EPYC: variants seen among roughly 807,000 people sequenced by gnomAD.
EPYC encodes the protein dermatan sulfate proteoglycan 3.
EPYC carries 28 observed loss-of-function variants against 30.1 expected under a neutral mutation model. The ratio of observed to expected loss-of-function variants is 0.93; its 90% CI spans 0.69 to 1.28. EPYC has a LOEUF of 1.28. EPYC is among the 50% of genes most tolerant of loss of function. The probability of loss-of-function intolerance (pLI) is 0.00; values close to 1 mark genes in which losing one functional copy is unlikely to be tolerated. For synonymous variants in EPYC, 144 were observed against 141.4 expected (o/e 1.02, Z -0.13); for missense variants, 382 against 383.5 (o/e 1.00, Z 0.03).
chr12:90,998,376 G>T (rs988372706), intron 2 of EPYC, among the ~76,000 whole-genome samples: 14 of 151,994 alleles, frequency 9.2e-5, no homozygotes, highest in African/African-American at 3.1e-4. Context: ...GCATTGTTGG[G>T]TCTAAAACTT....
chr12:90,964,067 C>G lies in EPYC; in HGVS notation c.*89G>C. ...CATATCATCTCTCAGAACACAATCT[C>G]AAAGTATCATGCTGAGTTTTGTTTT... is the stretch of plus-strand genomic sequence containing the variant. On this transcript the variant is annotated 3_prime_UTR_variant, in exon 7 of 7. Coordinates refer to ENST00000261172, the MANE Select transcript of EPYC (RefSeq NM_004950.5). 1.9e-6 allele frequency: 2 copies of G among 1,048,768 alleles called. No homozygotes were observed. Among genetic ancestry groups the G allele is most frequent in the South Asian group, 3.9e-5 (2 of 51,488 alleles). 65.0% of individuals were successfully genotyped at this position (1,048,768 alleles called of 1,614,324 possible).
intron 3 of EPYC, among the ~76,000 whole-genome samples, chr12:90,975,454 T>C (rs1877158344): frequency 6.6e-6 from 1 of 152,090 alleles, no homozygotes. Context: ...ATTTCTAAAC[T>C]AATTTTGATG....
In EPYC at chr12:90,973,445, G is replaced by T. The variant is rs550618038; in HGVS notation, c.341-465C>A. ...GCACCATGGTAGCTGGTGAAACAGT[G>T]GTGAGCACAAAGAACACAGTTGTGT... is the stretch of plus-strand genomic sequence containing the variant. On this transcript the variant is annotated intron_variant, in intron 3 of 6. Coordinates refer to ENST00000261172, the MANE Select transcript of EPYC (RefSeq NM_004950.5). Among the ~76,000 whole-genome samples the T allele has an allele frequency of 3.9e-5, 6 of 152,290 alleles. No individual in the cohort carries two copies. In the South Asian group the frequency reaches 1.0e-3, roughly 26 times the overall value.
intron 2 of EPYC, among the ~76,000 whole-genome samples, chr12:90,985,108 G>A (rs1015790198): frequency 6.6e-6 from 1 of 152,060 alleles, no homozygotes; most frequent in Non-Finnish European, 1.5e-5. Flanking sequence ...ATTCCTTACT[G>A]GTCAGCAAGC....
intron 6 of EPYC, among the ~76,000 whole-genome samples, chr12:90,967,588 G>A (rs1160716289): frequency 5.3e-5 from 8 of 152,150 alleles, no homozygotes; most frequent in Non-Finnish European, 7.4e-5. Context: ...TGGGTGGAAT[G>A]TTCTGTCGAT....
chr12:90,971,885 A>G lies in EPYC; in HGVS notation c.617T>C (p.Leu206Pro). The change falls in exon 5 of 7, where the codon CTC becomes CCC. Residue 206 changes from leucine to proline, a missense_variant. By Grantham distance (98) the Leu-to-Pro change is moderately conservative. Transcript: ENST00000261172. ...LVLRDNKIRQ[L>P]PELPTTLTFI... ...TGTCAAAGTGGTTGGCAATTCTGGG[A>G]GCTGCCTTATTTTGTTGTCACGCAG... 6.2e-7 allele frequency: 1 copy of G among 1,612,224 alleles called. No homozygotes were observed. The highest frequency in any genetic ancestry group is 8.5e-7 in the Non-Finnish European group (1 of 1,179,238).
chr12:90,966,374 C>T (rs779151736), intron 6 of EPYC, among the ~76,000 whole-genome samples: 1 of 151,936 alleles, frequency 6.6e-6, no homozygotes. Context: ...TTGTCAAATG[C>T]TTTTCTTGAC....
chr12:90,997,107 G>A (rs564511834), intron 2 of EPYC, among the ~76,000 whole-genome samples: 7 of 152,046 alleles, frequency 4.6e-5, no homozygotes, highest in Admixed American at 1.3e-4. Context: ...ACTGAGACCT[G>A]AGAGAAATTT....
intron 6 of EPYC, among the ~76,000 whole-genome samples, chr12:90,964,634 G>T (rs1250182584): frequency 6.6e-6 from 1 of 152,036 alleles, no homozygotes; most frequent in Non-Finnish European, 1.5e-5. Context: ...ACTATGAAAA[G>T]TTATCTTTAG....
chr12:90,978,390 T>A, intron 2 of EPYC, 128 bp from the exon 3 acceptor site: 1 of 835,888 alleles, frequency 1.2e-6, no homozygotes, highest in Middle Eastern at 3.7e-4. Context: ...AGTTCAATAG[T>A]TTGACCATCC....
chr12:90,970,798 C>T (rs1320225848), intron 5 of EPYC, among the ~76,000 whole-genome samples: 1 of 152,190 alleles, frequency 6.6e-6, no homozygotes, highest in East Asian at 1.9e-4. Flanking sequence ...CATTTGCCAC[C>T]ACCCAGTGGT....
chr12:90,974,038 TCACACACACACA>T (rs560408641), intron 3 of EPYC, among the ~76,000 whole-genome samples: 3 of 140,364 alleles, frequency 2.1e-5, no homozygotes, highest in Admixed American at 7.1e-5. Context: ...TTACACACAC[TCACACACACACA>T]CACACACACA....
intron 2 of EPYC, among the ~76,000 whole-genome samples, chr12:91,001,140 A>C (rs1877812799): frequency 6.6e-6 from 1 of 152,004 alleles, no homozygotes; most frequent in Non-Finnish European, 1.5e-5. Context: ...TGAGGGTGAA[A>C]GTAAGAGAGA....
intron 1 of EPYC, among the ~76,000 whole-genome samples, chr12:91,004,330 C>T (rs1877901037): frequency 6.6e-6 from 1 of 152,044 alleles, no homozygotes; most frequent in South Asian, 2.1e-4. Flanking sequence ...ATAAGGCAGG[C>T]TGTGTGAATC....
Position 90,971,828 on chromosome 12 carries a change from C to T in EPYC, c.674G>A (p.Arg225Lys), listed in dbSNP as rs1877056202. Residue 225 changes from arginine to lysine, a missense_variant, in exon 5 of 7, where the codon AGG becomes AAG. By Grantham distance (26) the Arg-to-Lys change is conservative (BLOSUM62 2). Coordinates refer to ENST00000261172, the MANE Select transcript of EPYC (RefSeq NM_004950.5). ...AAATGCTTCTTGCTTTATCCCTTTC[C>T]TTCCAAGTCTATTGTTGCTAATATC... ...FIDISNNRLG[R>K]KGIKQEAFKD... 1 of 1,606,546 alleles carries T rather than the reference C, an allele frequency of 6.2e-7. No individual in the cohort carries two copies. The highest frequency in any genetic ancestry group is 2.3e-5 in the East Asian group (1 of 44,430).
chr12:90,964,783 C>T lies in EPYC; in HGVS notation c.799-457G>A, dbSNP rs532251076. 6.6e-5 allele frequency among the ~76,000 whole-genome samples: 10 copies of T among 152,154 alleles called. No homozygotes were observed. The South Asian group carries it at 1.0e-3, about 16-fold the overall frequency. On this transcript the variant is annotated intron_variant, in intron 6 of 6. Coordinates refer to ENST00000261172, the MANE Select transcript of EPYC (RefSeq NM_004950.5). ...CATGGAATGCTCCTCCCTCAACATTCGACATTCAAGTCAATGTGGCTGAAG... is the reference window on the plus strand; with the variant it reads ...CATGGAATGCTCCTCCCTCAACATTTGACATTCAAGTCAATGTGGCTGAAG...
chr12:91,002,287 A>G (rs535082882), intron 2 of EPYC, 114 bp downstream of exon 2: 4 of 822,488 alleles, frequency 4.9e-6, no homozygotes, highest in Non-Finnish European at 7.5e-6. Flanking sequence ...TGAAATTATT[A>G]ACATAAAATC....
chr12:90,997,209 C>A (rs763464539), intron 2 of EPYC, among the ~76,000 whole-genome samples: 1 of 152,018 alleles, frequency 6.6e-6, no homozygotes, highest in Non-Finnish European at 1.5e-5. Flanking sequence ...AGCTCTATAG[C>A]ACTTTGTAGT....
intron 2 of EPYC, among the ~76,000 whole-genome samples, chr12:90,987,056 G>T (rs771541284): frequency 2.6e-5 from 4 of 152,076 alleles, no homozygotes; most frequent in Non-Finnish European, 4.4e-5. Flanking sequence ...ATAAGAGTAA[G>T]AAAATATTAT....
Sources: gnomAD v4.1 joint callset for allele counts (sites outside exome capture counted in the v4.1 genomes callset) on GRCh38, gnomAD v4.1.1 for gene constraint, MANE v1.5 for transcripts, NCBI Gene and HGNC (gene_info 2026-07-23, HGNC 2026-07-21) for gene names.